EFTUD2: variants seen among roughly 807,000 people sequenced by gnomAD.
EFTUD2 encodes elongation factor Tu GTP binding domain containing 2.
Under a neutral mutation model 114.3 loss-of-function variants are expected in EFTUD2, and 9 were observed. The ratio of observed to expected loss-of-function variants is 0.08; its 90% CI spans 0.05 to 0.14. EFTUD2 has a LOEUF of 0.14. Ranked by LOEUF, EFTUD2 falls within the 10% of genes least tolerant of loss-of-function variation. EFTUD2 has a pLI of 1.00. For synonymous variants in EFTUD2, 449 were observed against 462.3 expected (o/e 0.97, Z 0.37); for missense variants, 765 against 1,241.2 (o/e 0.62, Z 5.76).
chr17:44,885,214 C>T, intron 4 of EFTUD2, 42 bp downstream of exon 4: 1 of 1,524,982 alleles, frequency 6.6e-7, no homozygotes, highest in Non-Finnish European at 9.1e-7. Context: ...AACATGAACC[C>T]ACAGCATTCC....
chr17:44,883,545 G>T, intron 5 of EFTUD2, 104 bp downstream of exon 5: 1 of 1,080,106 alleles, frequency 9.3e-7, no homozygotes, highest in Non-Finnish European at 1.4e-6. Context: ...TCAGGAGGTT[G>T]AGCCTTGTGA....
chr17:44,858,969 T>G, intron 19 of EFTUD2, 111 bp downstream of exon 19: 1 of 761,614 alleles, frequency 1.3e-6, no homozygotes, highest in Non-Finnish European at 2.3e-6. Context: ...ATCATGGTTT[T>G]CACAAACACA....
rs150961935 is a variant in EFTUD2 at position 44,852,051 on chromosome 17, G to A, written c.2716-234C>T. Among the ~76,000 whole-genome samples the A allele has an allele frequency of 3.8e-3, 573 of 152,060 alleles. 4 individuals carry two copies. Among genetic ancestry groups the A allele is most frequent in the African/African-American group, 0.014 (563 of 41,458 alleles). ...TCCTACCTCAGCCTCCCAAGTAGCT[G>A]GGATTACAGGCATGCACCACCACGC... On this transcript the variant is annotated intron_variant, in intron 26 of 27. Coordinates refer to ENST00000426333, the MANE Select transcript of EFTUD2 (RefSeq NM_004247.4).
Position 44,850,961 on chromosome 17 carries a change from T to A in EFTUD2, c.*313A>T, listed in dbSNP as rs1031876196. 2.7e-6 allele frequency: 1 copy of A among 366,138 alleles called. No homozygotes were observed. The highest frequency in any genetic ancestry group is 5.1e-6 in the Non-Finnish European group (1 of 195,482). The allele number at this position is 366,138 out of a possible 1,614,324, so 22.7% of individuals were successfully genotyped here. A position where few individuals can be genotyped will look rare whatever the true frequency, so the allele number is the denominator to read the frequency against. ...CAAACCATGGCTAAGGTCAAACTTG[T>A]AGAAAATAAAATTCCATGTAAATCC... On this transcript the variant is annotated 3_prime_UTR_variant, in exon 28 of 28. Transcript: ENST00000426333.
Position 44,850,330 on chromosome 17 carries a change from A to G in EFTUD2, c.*944T>C, listed in dbSNP as rs1033312281. 4.3e-6 allele frequency: 7 copies of G among 1,611,660 alleles called. No homozygotes were observed. In the African/African-American group the frequency reaches 9.3e-5, roughly 22 times the overall value. On this transcript the variant is annotated 3_prime_UTR_variant, in exon 28 of 28. Coordinates refer to ENST00000426333, the MANE Select transcript of EFTUD2 (RefSeq NM_004247.4). ...GGGCATTATTTCTTTTCTCTCACACAGGTGCTGTGTACACAATGTACAGCG... is the reference window on the plus strand; with the variant it reads ...GGGCATTATTTCTTTTCTCTCACACGGGTGCTGTGTACACAATGTACAGCG...
intron 1 of EFTUD2, among the ~76,000 whole-genome samples, chr17:44,896,768 C>G (rs1027217854): frequency 3.3e-5 from 5 of 152,232 alleles, no homozygotes; most frequent in African/African-American, 1.2e-4. Context: ...GACTTAGATT[C>G]AAATCCCAAC....
Position 44,872,560 on chromosome 17 carries a change from T to TGGAATACATGCTGAAACAGAGACAGTGG in EFTUD2, c.870-18_879dup (p.Thr294ProfsTer11). The TGGAATACATGCTGAAACAGAGACAGTGG allele has an allele frequency of 3.7e-6, 6 of 1,610,054 alleles. No homozygotes were observed. Among genetic ancestry groups the TGGAATACATGCTGAAACAGAGACAGTGG allele is most frequent in the Non-Finnish European group, 5.1e-6 (6 of 1,177,702 alleles). On this transcript the variant is annotated frameshift_variant, in exon 11 of 28. Transcript: ENST00000426333. LOFTEE classifies it high-confidence loss of function. ...GGGGAAAGGATCAGGTTCTCATCAG[T>TGGAATACATGCTGAAACAGAGACAGTGG]GGAATACATGCTGAAACAGAGACAG...
intron 9 of EFTUD2, among the ~76,000 whole-genome samples, chr17:44,877,568 G>A (rs918229838): frequency 2.6e-5 from 4 of 152,214 alleles, no homozygotes; most frequent in Admixed American, 2.6e-4. Context: ...CACTTTGGGA[G>A]GCCGAGGCAG....
intron 9 of EFTUD2, among the ~76,000 whole-genome samples, chr17:44,878,474 C>A (rs560166715): frequency 1.3e-5 from 2 of 152,258 alleles, no homozygotes; most frequent in East Asian, 3.9e-4. Flanking sequence ...GGAAAAAATT[C>A]TATAACGGAA....
rs373941869 is a variant in EFTUD2, at chr17:44,876,708, C to T, written c.703-608G>A. On this transcript the variant is annotated intron_variant, in intron 9 of 27. Coordinates refer to ENST00000426333, the MANE Select transcript of EFTUD2 (RefSeq NM_004247.4). ...TCGACTAAAAATACAAAAAGATGAG[C>T]TGGGCGTGGTGGCAGGCACCTGTAG... Among the ~76,000 whole-genome samples, 3 of 152,026 alleles carry T rather than the reference C, an allele frequency of 2.0e-5. No individual in the cohort carries two copies. In the East Asian group the frequency reaches 5.8e-4, roughly 29 times the overall value.
At chr17:44,875,804 G>T in intron 10 of EFTUD2, 130 bp downstream of exon 10, 2 of 1,074,036 alleles carry the variant, frequency 1.9e-6, no homozygotes, top group Non-Finnish European at 2.7e-6. Context: ...GTCCCAGGAT[G>T]TGCCTCTAGT....
At chr17:44,852,332 G>A in intron 26 of EFTUD2, 77 bp downstream of exon 26, 1 of 1,578,804 alleles carries the variant, frequency 6.3e-7, no homozygotes, top group Non-Finnish European at 8.6e-7. Flanking sequence ...TTAGGGCTTG[G>A]AGAGGGATCA....
chr17:44,892,952 A>T (rs2051309047), intron 2 of EFTUD2, among the ~76,000 whole-genome samples: 1 of 152,180 alleles, frequency 6.6e-6, no homozygotes, highest in Non-Finnish European at 1.5e-5. Context: ...CAAAAAGAAA[A>T]AAAAATGCTG....
intron 14 of EFTUD2, 43 bp from the exon 15 acceptor site, chr17:44,863,825 G>C: frequency 6.2e-7 from 1 of 1,607,088 alleles, no homozygotes; most frequent in Non-Finnish European, 8.5e-7. Flanking sequence ...TGCCTTCCCA[G>C]GGAGCACGAG....
chr17:44,868,182 A>AG, intron 12 of EFTUD2, 105 bp downstream of exon 12: 1 of 1,144,370 alleles, frequency 8.7e-7, no homozygotes, highest in Non-Finnish European at 1.2e-6. Context: ...TTAAAAAAAA[A>AG]AAAAAAAGTA....
chr17:44,884,854 T>C (rs2051137824), intron 4 of EFTUD2, among the ~76,000 whole-genome samples: 1 of 152,200 alleles, frequency 6.6e-6, no homozygotes. Context: ...GCCACTGCAC[T>C]ACAGCCTGAG....
chr17:44,895,199 A>T (rs1206440654), intron 1 of EFTUD2, among the ~76,000 whole-genome samples: 1 of 152,288 alleles, frequency 6.6e-6, no homozygotes, highest in Non-Finnish European at 1.5e-5. Flanking sequence ...GTCTATTAAA[A>T]AAGTTTCATT....
In EFTUD2 at chr17:44,859,641, G is replaced by GCA. The variant is rs139421777; in HGVS notation, c.1860+262_1860+263dup. ...AAAGACATCTGCGGAACACAAATACGCACACACACACACACACACAACCTT... is the reference window on the plus strand; with the variant it reads ...AAAGACATCTGCGGAACACAAATACGCACACACACACACACACACACAACCTT... On this transcript the variant is annotated intron_variant, in intron 18 of 27. Transcript: ENST00000426333. The GCA allele has an allele frequency of 0.17, 89,230 of 514,668 alleles. 4,462 individuals carry two copies. The highest frequency in any genetic ancestry group is 0.23 in the African/African-American group (11,751 of 51,328). 31.9% of individuals were successfully genotyped at this position (514,668 alleles called of 1,614,324 possible). A position where few individuals can be genotyped will look rare whatever the true frequency, so the allele number is the denominator to read the frequency against.
chr17:44,874,787 C>G (rs2050917049), intron 10 of EFTUD2, among the ~76,000 whole-genome samples: 1 of 152,192 alleles, frequency 6.6e-6, no homozygotes, highest in Non-Finnish European at 1.5e-5. Flanking sequence ...ACACAGCAAA[C>G]AGTTCTTAAT....
Sources: gnomAD v4.1 joint callset for allele counts (sites outside exome capture counted in the v4.1 genomes callset) on GRCh38, gnomAD v4.1.1 for gene constraint, MANE v1.5 for transcripts, NCBI Gene and HGNC (gene_info 2026-07-23, HGNC 2026-07-21) for gene names.